Variants in DNMT3B observed in about 807,000 individuals in gnomAD.
The protein encoded by DNMT3B is DNA methyltransferase 3 beta.
Under a neutral mutation model 120.2 loss-of-function variants are expected in DNMT3B, and 37 were observed. That is an observed-to-expected ratio of 0.31 (90% CI 0.24 to 0.40). DNMT3B has a LOEUF of 0.40. Among genes scored for constraint, DNMT3B ranks in the 10% least tolerant of loss-of-function variants. DNMT3B has a pLI of 1.00. For missense variants in DNMT3B, 878 were observed against 1,137.3 expected, an observed-to-expected ratio of 0.77 and a Z score of 3.28; for synonymous variants, 412 against 442.8, an observed-to-expected ratio of 0.93 and a Z score of 0.87.
At chr20:32,767,682 C>T (rs1987469561) in intron 1 of DNMT3B, among the ~76,000 whole-genome samples, 1 of 152,196 alleles carries the variant, frequency 6.6e-6, no homozygotes, top group Non-Finnish European at 1.5e-5. Context: ...AGCAATCCTG[C>T]CTCAGTCTCC....
rs1469930705 is a variant in DNMT3B, at chr20:32,808,849, G to C, written c.*946G>C. 1 of 226,958 alleles carries C rather than the reference G, an allele frequency of 4.4e-6. No individual in the cohort carries two copies. The highest frequency in any genetic ancestry group is 2.2e-5 in the African/African-American group (1 of 44,952). 14.1% of individuals were successfully genotyped at this position (226,958 alleles called of 1,614,324 possible). A position where few individuals can be genotyped will look rare whatever the true frequency, so the allele number is the denominator to read the frequency against. On this transcript the variant is annotated 3_prime_UTR_variant, in exon 23 of 23. Coordinates refer to ENST00000328111, the MANE Select transcript of DNMT3B (RefSeq NM_006892.4). ...ACAGGCACAGGTCCCCAGATGAGAAGTCTGCTACCCTCATTTCTCATCTTT... is the reference window on the plus strand; with the variant it reads ...ACAGGCACAGGTCCCCAGATGAGAACTCTGCTACCCTCATTTCTCATCTTT...
rs1343018597 is a variant in DNMT3B, at chr20:32,780,426, C to A, written c.103C>A (p.Pro35Thr). 1 of 1,613,752 alleles carries A rather than the reference C, an allele frequency of 6.2e-7. No individual in the cohort carries two copies. ...CTGCAGCGACCAGTCCTCCGACTCG[C>A]CCCCAATCCTGGAGGCTATCCGCAC... Reference protein sequence around the residue: ...GACSDQSSDSPPILEAIRTPE... With the variant: ...GACSDQSSDSTPILEAIRTPE... The change falls in exon 2 of 23, where the codon CCC becomes ACC. Residue 35 changes from proline (P) to threonine (T), a missense_variant. By Grantham distance (38) the Pro-to-Thr change is conservative. Coordinates refer to ENST00000328111, the MANE Select transcript of DNMT3B (RefSeq NM_006892.4).
intron 14 of DNMT3B, among the ~76,000 whole-genome samples, chr20:32,797,855 T>C (rs1980830473): frequency 6.6e-6 from 1 of 152,122 alleles, no homozygotes; most frequent in Non-Finnish European, 1.5e-5. Flanking sequence ...AGACAGGGTT[T>C]CACCATGTTG....
In DNMT3B at chr20:32,800,135, T is replaced by C. The variant is rs768143372; in HGVS notation, c.1760-18T>C. The C allele has an allele frequency of 6.2e-7, 1 of 1,614,144 alleles. No homozygotes were observed. The highest frequency in any genetic ancestry group is 1.1e-5 in the South Asian group (1 of 91,076). On this transcript the variant is annotated intron_variant, in intron 16 of 22. Transcript: ENST00000328111. ...GCTCAGCATCATTTATGCTTCTGTG[T>C]CTCTCTGGCCCCCACAGGCTACCTA...
intron 17 of DNMT3B, 21 bp downstream of exon 17, chr20:32,800,319 G>C: frequency 6.2e-7 from 1 of 1,613,908 alleles, no homozygotes; most frequent in Non-Finnish European, 8.5e-7. Flanking sequence ...TCTGTACCTT[G>C]CGGGCCTCAT....
intron 17 of DNMT3B, among the ~76,000 whole-genome samples, 200 bp downstream of exon 17, chr20:32,800,498 T>C (rs987981189): frequency 7.2e-5 from 11 of 152,100 alleles, no homozygotes; most frequent in Non-Finnish European, 1.2e-4. Flanking sequence ...CTGGAGACAG[T>C]CTCCCTCTGG....
chr20:32,808,483 A>C lies in DNMT3B; in HGVS notation c.*580A>C, dbSNP rs1045467733. On this transcript the variant is annotated 3_prime_UTR_variant, in exon 23 of 23. Coordinates refer to ENST00000328111, the MANE Select transcript of DNMT3B (RefSeq NM_006892.4). ...TTACCCGGCACATTCCCCTTGCCTAAATACAAGGGCTGGAGTCTGCACGGG... is the reference window on the plus strand; with the variant it reads ...TTACCCGGCACATTCCCCTTGCCTACATACAAGGGCTGGAGTCTGCACGGG... The C allele has an allele frequency of 4.2e-6, 1 of 237,384 alleles. No homozygotes were observed. The highest frequency in any genetic ancestry group is 1.3e-3 in the Middle Eastern group (1 of 782). 14.7% of individuals were successfully genotyped at this position (237,384 alleles called of 1,614,324 possible). A position where few individuals can be genotyped will look rare whatever the true frequency, so the allele number is the denominator to read the frequency against.
At chr20:32,775,265 C>T (rs958414510) in intron 1 of DNMT3B, among the ~76,000 whole-genome samples, 38 of 152,310 alleles carry the variant, frequency 2.5e-4, no homozygotes, top group African/African-American at 8.9e-4. Context: ...TTTTACTGCA[C>T]CCCAGGGGTT....
chr20:32,780,347 C>G lies in DNMT3B; in HGVS notation c.24C>G (p.Leu8=). The G allele has an allele frequency of 3.1e-6, 5 of 1,614,052 alleles. No individual in the cohort carries two copies. The highest frequency in any genetic ancestry group is 4.2e-6 in the Non-Finnish European group (5 of 1,180,020). Reference sequence around the variant, plus strand: ...GCATGAAGGGAGACACCAGGCATCTCAATGGAGAGGAGGACGCCGGCGGGA... The same window carrying G: ...GCATGAAGGGAGACACCAGGCATCTGAATGGAGAGGAGGACGCCGGCGGGA... MKGDTRH[L]NGEEDAGGRE... Residue 8 remains leucine, a synonymous_variant, in exon 2 of 23, where the codon CTC becomes CTG. Coordinates refer to ENST00000328111, the MANE Select transcript of DNMT3B (RefSeq NM_006892.4).
Position 32,807,810 on chromosome 20 carries a change from T to C in DNMT3B, c.2469T>C (p.Arg823=), listed in dbSNP as rs1294907835. The part of the protein sequence containing the change: ...VHYTDVSNMG[R]GARQKLLGRS... ...ACACAGACGTGTCCAACATGGGCCG[T>C]GGTGCCCGCCAGAAGCTGCTGGGAA... The change falls in exon 23 of 23, where the codon CGT becomes CGC. Residue 823 remains arginine, a synonymous_variant. Transcript: ENST00000328111. The C allele has an allele frequency of 6.8e-6, 11 of 1,614,074 alleles. No individual in the cohort carries two copies. The East Asian group carries it at 2.2e-4, about 33-fold the overall frequency.
intron 1 of DNMT3B, among the ~76,000 whole-genome samples, chr20:32,765,994 T>C (rs1241782660): frequency 6.6e-6 from 1 of 152,054 alleles, no homozygotes; most frequent in Non-Finnish European, 1.5e-5. Context: ...CCTGACCTCC[T>C]GATCCACCCG....
intron 1 of DNMT3B, chr20:32,779,984 G>C (rs1247357658): frequency 1.6e-6 from 2 of 1,228,594 alleles, no homozygotes; most frequent in Non-Finnish European, 2.3e-6. Flanking sequence ...GGCCGGGACA[G>C]GCAGGTCCTA....
chr20:32,794,952 A>C (rs996588947), intron 10 of DNMT3B, among the ~76,000 whole-genome samples: 1 of 152,246 alleles, frequency 6.6e-6, no homozygotes, highest in Non-Finnish European at 1.5e-5. Flanking sequence ...TTGAGAAAGC[A>C]GACTCATATG....
At chr20:32,789,657 G>C (rs922964755) in intron 7 of DNMT3B, among the ~76,000 whole-genome samples, 1 of 152,064 alleles carries the variant, frequency 6.6e-6, no homozygotes, top group Admixed American at 6.6e-5. Flanking sequence ...GCAGTGGTGC[G>C]ATCTTGGCTC....
chr20:32,777,950 G>A (rs763669802), intron 1 of DNMT3B, among the ~76,000 whole-genome samples: 3 of 152,196 alleles, frequency 2.0e-5, no homozygotes, highest in Non-Finnish European at 4.4e-5. Context: ...TATGTGTTAT[G>A]TATCAGCGCA....
At chr20:32,806,508 G>A (rs535229235) in intron 22 of DNMT3B, among the ~76,000 whole-genome samples, 181 bp downstream of exon 22, 1 of 152,326 alleles carries the variant, frequency 6.6e-6, no homozygotes, top group African/African-American at 2.4e-5. Context: ...CGGAGGGGGT[G>A]TGGTGGTGGT....
chr20:32,804,785 A>C (rs1264272250), intron 20 of DNMT3B, among the ~76,000 whole-genome samples: 1 of 146,018 alleles, frequency 6.8e-6, no homozygotes, highest in Non-Finnish European at 1.5e-5. Context: ...TCCAACTCCT[A>C]GGCTTAAGCG....
intron 1 of DNMT3B, among the ~76,000 whole-genome samples, chr20:32,771,679 CA>C (rs1318091699): frequency 3.8e-5 from 5 of 131,462 alleles, no homozygotes; most frequent in African/African-American, 1.4e-4. Flanking sequence ...AAATACCAAA[CA>C]AAAGTGAGCC....
intron 16 of DNMT3B, among the ~76,000 whole-genome samples, chr20:32,799,684 A>C (rs572379669): frequency 6.6e-6 from 1 of 152,106 alleles, no homozygotes; most frequent in African/African-American, 2.4e-5. Flanking sequence ...CGCCCAGCTA[A>C]TTTTTATATT....
Sources: allele counts gnomAD v4.1 joint callset (sites outside exome capture counted in the v4.1 genomes callset), GRCh38; gene constraint gnomAD v4.1.1; transcripts MANE v1.5; gene names NCBI Gene and HGNC (gene_info 2026-07-23, HGNC 2026-07-21).